Variants in SND1 observed in about 807,000 individuals in gnomAD.
SND1 encodes staphylococcal nuclease and tudor domain containing 1.
SND1 carries 38 observed loss-of-function variants against 121.7 expected under a neutral mutation model. The ratio of observed to expected loss-of-function variants is 0.31; its 90% CI spans 0.24 to 0.41. SND1 has a LOEUF of 0.41. SND1 is among the 10% of genes least tolerant of loss of function. SND1 has a pLI of 1.00. For missense variants in SND1, 868 were observed against 1,184.6 expected (o/e 0.73, Z 3.92); for synonymous variants, 401 against 447.4 (o/e 0.90, Z 1.31).
chr7:127,871,385 G>A (rs1799583000), intron 12 of SND1, among the ~76,000 whole-genome samples: 1 of 152,170 alleles, frequency 6.6e-6, no homozygotes. Context: ...CAGTGCGGTA[G>A]GTTTATTTTT....
intron 16 of SND1, among the ~76,000 whole-genome samples, chr7:128,061,085 G>A (rs1033057005): frequency 6.6e-6 from 1 of 152,168 alleles, no homozygotes; most frequent in African/African-American, 2.4e-5. Context: ...CTGAGAACAG[G>A]GCAGAATCAG....
chr7:127,717,251 T>C (rs1263012159), intron 9 of SND1, among the ~76,000 whole-genome samples: 1 of 152,278 alleles, frequency 6.6e-6, no homozygotes, highest in African/African-American at 2.4e-5. Context: ...GTTTATATTT[T>C]ATTCAGGTAT....
chr7:127,894,710 A>G lies in SND1; in HGVS notation c.1454+6698A>G, dbSNP rs1431990641. Among the ~76,000 whole-genome samples the G allele has an allele frequency of 2.6e-5, 4 of 151,766 alleles. No homozygotes were observed. The South Asian group carries it at 8.3e-4, about 32-fold the overall frequency. ...AGAGTGTAGATTAAATGGGTTAATCAGTTCTCCAAGAAAGCATATCTTTCC... is the reference window on the plus strand; with the variant it reads ...AGAGTGTAGATTAAATGGGTTAATCGGTTCTCCAAGAAAGCATATCTTTCC... On this transcript the variant is annotated intron_variant, in intron 13 of 23. Coordinates refer to ENST00000354725, the MANE Select transcript of SND1 (RefSeq NM_014390.4).
chr7:128,032,640 C>T lies in SND1; in HGVS notation c.1779+41584C>T, dbSNP rs980302966. On this transcript the variant is annotated intron_variant, in intron 16 of 23. Transcript: ENST00000354725. ...GCATTTGGCCTGCCTCTCGCCCGGC[C>T]CGCGTCATCCTCACCCCCGCTGACT... Among the ~76,000 whole-genome samples the T allele has an allele frequency of 2.6e-5, 4 of 152,210 alleles. No homozygotes were observed. In the South Asian group the frequency reaches 8.3e-4, roughly 32 times the overall value.
At chr7:127,730,646 A>C (rs188086773) in intron 10 of SND1, among the ~76,000 whole-genome samples, 41 of 152,058 alleles carry the variant, frequency 2.7e-4, no homozygotes, top group Non-Finnish European at 4.7e-4. Context: ...ATACTTTTTC[A>C]TTGTTTTCTG....
At chr7:127,741,224 C>T (rs1796876053) in intron 10 of SND1, among the ~76,000 whole-genome samples, 1 of 152,192 alleles carries the variant, frequency 6.6e-6, no homozygotes, top group Non-Finnish European at 1.5e-5. Flanking sequence ...ATACCTGTAA[C>T]ATAATCAGGA....
chr7:127,891,269 T>C (rs1800004677), intron 13 of SND1, among the ~76,000 whole-genome samples: 1 of 152,122 alleles, frequency 6.6e-6, no homozygotes. Context: ...AGGGCTTTGC[T>C]CTGTGTCCAG....
intron 15 of SND1, among the ~76,000 whole-genome samples, chr7:127,967,348 G>C (rs1303521096): frequency 1.3e-5 from 2 of 152,194 alleles, no homozygotes; most frequent in African/African-American, 4.8e-5. Flanking sequence ...GGCAGGGATG[G>C]GGGTGGTGGG....
At chr7:127,821,184 CCT>C (rs1024942562) in intron 11 of SND1, among the ~76,000 whole-genome samples, 1 of 152,200 alleles carries the variant, frequency 6.6e-6, no homozygotes, top group African/African-American at 2.4e-5. Flanking sequence ...GCCAGTCATT[CCT>C]CTTAGTCCAG....
chr7:127,893,447 A>G (rs1202956716), intron 13 of SND1, among the ~76,000 whole-genome samples: 1 of 152,174 alleles, frequency 6.6e-6, no homozygotes, highest in Non-Finnish European at 1.5e-5. Context: ...CTTTGCAGGA[A>G]AACACAGAAG....
intron 14 of SND1, among the ~76,000 whole-genome samples, chr7:127,909,430 A>G (rs142592260): frequency 6.6e-6 from 1 of 151,764 alleles, no homozygotes; most frequent in African/African-American, 2.4e-5. Flanking sequence ...TGATTTTGTT[A>G]GAAATACGTA....
intron 17 of SND1, among the ~76,000 whole-genome samples, chr7:128,078,656 G>C (rs1793547593): frequency 6.6e-6 from 1 of 152,240 alleles, no homozygotes; most frequent in South Asian, 2.1e-4. Flanking sequence ...TCCCCAAGGA[G>C]GACACCTGAT....
intron 10 of SND1, among the ~76,000 whole-genome samples, chr7:127,742,965 C>A (rs1352567937): frequency 1.3e-5 from 2 of 152,098 alleles, no homozygotes; most frequent in Non-Finnish European, 2.9e-5. Context: ...AGGTAGAAAC[C>A]AAAGTACAGG....
intron 11 of SND1, among the ~76,000 whole-genome samples, chr7:127,813,684 C>G (rs1461866101): frequency 6.6e-6 from 1 of 152,088 alleles, no homozygotes; most frequent in Admixed American, 6.6e-5. Context: ...GCCTTAGCCG[C>G]CCAAGTAGCT....
At chr7:127,796,007 A>G (rs893416963) in intron 10 of SND1, among the ~76,000 whole-genome samples, 9 of 151,974 alleles carry the variant, frequency 5.9e-5, no homozygotes, top group African/African-American at 1.2e-4. Context: ...ACGGGCGCCC[A>G]TCACCACTAC....
chr7:127,775,408 TA>T lies in SND1; in HGVS notation c.1153-32068del, dbSNP rs892763995. ...TTCCCTTTTATAATAACAAATATAATAAAAAAAACACACAGAGTTTTTAAGC... is the reference window on the plus strand; with the variant it reads ...TTCCCTTTTATAATAACAAATATAATAAAAAAACACACAGAGTTTTTAAGC... On this transcript the variant is annotated intron_variant, in intron 10 of 23. Coordinates refer to ENST00000354725, the MANE Select transcript of SND1 (RefSeq NM_014390.4). 3.7e-3 allele frequency among the ~76,000 whole-genome samples: 527 copies of T among 141,430 alleles called. 3 individuals are homozygous for T. The highest frequency in any genetic ancestry group is 4.2e-3 in the Admixed American group (54 of 12,730). The allele number at this position is 141,430 out of a possible 152,430, so 92.8% of individuals were successfully genotyped here.
At chr7:127,823,856 G>A (rs947228266) in intron 11 of SND1, among the ~76,000 whole-genome samples, 20 of 152,110 alleles carry the variant, frequency 1.3e-4, no homozygotes, top group Non-Finnish European at 2.1e-4. Flanking sequence ...TATAAAGTGA[G>A]TTTATTTCTA....
chr7:127,942,995 A>G (rs183599024), intron 15 of SND1, among the ~76,000 whole-genome samples: 1 of 152,142 alleles, frequency 6.6e-6, no homozygotes, highest in Non-Finnish European at 1.5e-5. Flanking sequence ...ATTTCATGCT[A>G]TGAGGTTGGC....
intron 16 of SND1, chr7:128,030,086 C>T (rs1222146845): frequency 1.9e-6 from 3 of 1,613,634 alleles, no homozygotes; most frequent in Admixed American, 1.7e-5. Flanking sequence ...CAGAGATATA[C>T]TCCAGCTTCT....
Sources: gnomAD v4.1 joint callset for allele counts (sites outside exome capture counted in the v4.1 genomes callset) on GRCh38, gnomAD v4.1.1 for gene constraint, MANE v1.5 for transcripts, NCBI Gene and HGNC (gene_info 2026-07-23, HGNC 2026-07-21) for gene names.